Variants in AP4E1 observed in about 807,000 individuals in gnomAD.
AP4E1 encodes adaptor related protein complex 4 subunit epsilon 1, also known as AP-4 complex subunit epsilon-1.
Under a neutral mutation model 128.2 loss-of-function variants are expected in AP4E1, and 56 were observed. The observed-to-expected ratio is 0.44, with a 90% CI of 0.35 to 0.55. The LOEUF is 0.55. Among genes scored for constraint, AP4E1 ranks in the 20% least tolerant of loss-of-function variants. The pLI is 0.00. For synonymous variants in AP4E1, 484 were observed against 473.1 expected (o/e 1.02, Z -0.30); for missense variants, 1,324 against 1,307.7 (o/e 1.01, Z -0.19).
At chr15:50,911,614 G>A (rs1466718194) in intron 1 of AP4E1, among the ~76,000 whole-genome samples, 1 of 151,010 alleles carries the variant, frequency 6.6e-6, no homozygotes, top group African/African-American at 2.4e-5. Flanking sequence ...TCAGCCTCTC[G>A]AGTATCTGGG....
intron 14 of AP4E1, among the ~76,000 whole-genome samples, chr15:50,966,079 G>A (rs1276378396): frequency 1.3e-5 from 2 of 151,984 alleles, no homozygotes; most frequent in African/African-American, 4.8e-5. Context: ...CACCACGCCT[G>A]GCTAATTTTT....
chr15:50,948,050 G>A lies in AP4E1; in HGVS notation c.1207G>A (p.Ala403Thr). The A allele has an allele frequency of 6.2e-7, 1 of 1,608,400 alleles. No homozygotes were observed. The highest frequency in any genetic ancestry group is 8.5e-7 in the Non-Finnish European group (1 of 1,175,252). The change falls in exon 11 of 21, where the codon GCA becomes ACA. Residue 403 changes from alanine (A) to threonine (T), a missense_variant. Coordinates refer to ENST00000261842, the MANE Select transcript of AP4E1 (RefSeq NM_007347.5). ...TLELLYRITN[A>T]QNITVIVQKM... ...GGAACTTCTTTACAGAATTACTAAT[G>A]CACAGAATATAACAGTTATTGTCCA...
intron 5 of AP4E1, among the ~76,000 whole-genome samples, 194 bp downstream of exon 5, chr15:50,925,413 T>C (rs2063756351): frequency 6.6e-6 from 1 of 152,186 alleles, no homozygotes; most frequent in South Asian, 2.1e-4. Context: ...TTTCTAAAGT[T>C]AGACTAAGAG....
chr15:50,925,303 T>G (rs1379683949), intron 5 of AP4E1, 84 bp downstream of exon 5: 1 of 1,395,688 alleles, frequency 7.2e-7, no homozygotes, highest in African/African-American at 1.4e-5. Context: ...ACAACTTCAG[T>G]GCTACCAGGA....
chr15:50,925,825 G>C (rs1257145703), intron 5 of AP4E1, among the ~76,000 whole-genome samples: 2 of 150,360 alleles, frequency 1.3e-5, no homozygotes, highest in Admixed American at 1.3e-4. Flanking sequence ...ATAGAAACTG[G>C]GTTTGGCCAG....
chr15:50,920,046 C>A (rs144195478), intron 3 of AP4E1, among the ~76,000 whole-genome samples: 1 of 141,602 alleles, frequency 7.1e-6, no homozygotes, highest in African/African-American at 2.7e-5. Flanking sequence ...CACTGCACTC[C>A]AGCCTAGGCA....
rs1596463084 is a variant in AP4E1 at position 50,927,512 on chromosome 15, C to G, written c.543-1497C>G. Among the ~76,000 whole-genome samples, 4 of 124,232 alleles carry G rather than the reference C, an allele frequency of 3.2e-5. No individual in the cohort carries two copies. In the South Asian group the frequency reaches 1.0e-3, roughly 32 times the overall value. The allele number at this position is 124,232 out of a possible 152,430, so 81.5% of individuals were successfully genotyped here. A position where few individuals can be genotyped will look rare whatever the true frequency, so the allele number is the denominator to read the frequency against. On this transcript the variant is annotated intron_variant, in intron 5 of 20. Transcript: ENST00000261842. ...AGGCCTGTGAACTCCTGGGCCTATT[C>G]AGAGTTTTTTTTTTTTTTTTCCTCA... is the stretch of plus-strand genomic sequence containing the variant.
chr15:50,927,338 A>G (rs928129363), intron 5 of AP4E1, among the ~76,000 whole-genome samples: 45 of 152,248 alleles, frequency 3.0e-4, no homozygotes, highest in African/African-American at 1.0e-3. Context: ...AATATGAGGC[A>G]GAGCTATAGG....
chr15:50,934,431 T>A lies in AP4E1; in HGVS notation c.870-193T>A. ...ATCTCATTGGTTAACTAGTCAACTT[T>A]GATAAAGTAGGAAGTTCAAGCTCAT... On this transcript the variant is annotated intron_variant, in intron 7 of 20. Coordinates refer to ENST00000261842, the MANE Select transcript of AP4E1 (RefSeq NM_007347.5). The A allele has an allele frequency of 4.0e-6, 2 of 495,072 alleles. 1 individual carries two copies. The highest frequency in any genetic ancestry group is 5.1e-5 in the South Asian group (2 of 38,882). The allele number at this position is 495,072 out of a possible 1,614,324, so 30.7% of individuals were successfully genotyped here. A position where few individuals can be genotyped will look rare whatever the true frequency, so the allele number is the denominator to read the frequency against.
In AP4E1 at chr15:50,949,905, A is replaced by T. The variant is rs751064747; in HGVS notation, c.1396A>T (p.Ile466Phe). ...AGGAGGAGATGTAATGCATCCTGAT[A>T]TTCCCAATAACTTTCTGAGACTACT... ...SVGGDVMHPD[I>F]PNNFLRLLAE... is the part of the protein sequence containing the mutation. Residue 466 changes from isoleucine to phenylalanine, a missense_variant, in exon 12 of 21, where the codon ATT becomes TTT. Ile to Phe is a conservative substitution (Grantham distance 21, BLOSUM62 0). Transcript: ENST00000261842. 5.8e-5 allele frequency: 93 copies of T among 1,613,732 alleles called. No individual in the cohort carries two copies. In the East Asian group the frequency reaches 2.1e-3, roughly 36 times the overall value.
At chr15:50,918,851 T>C (rs2063659819) in intron 3 of AP4E1, among the ~76,000 whole-genome samples, 1 of 152,236 alleles carries the variant, frequency 6.6e-6, no homozygotes, top group Non-Finnish European at 1.5e-5. Flanking sequence ...TGGGTGGATG[T>C]ACCATAGTTT....
chr15:50,912,460 C>T (rs1163041573), intron 2 of AP4E1, among the ~76,000 whole-genome samples: 2 of 152,184 alleles, frequency 1.3e-5, no homozygotes, highest in Non-Finnish European at 2.9e-5. Context: ...GGGATTTCAA[C>T]ATGATATTTT....
At position 50,968,363 on chromosome 15, in the gene AP4E1, T is replaced by A; in HGVS notation, c.1952T>A (p.Leu651His). The A allele has an allele frequency of 6.2e-7, 1 of 1,612,708 alleles. No homozygotes were observed. Among genetic ancestry groups the A allele is most frequent in the Non-Finnish European group, 8.5e-7 (1 of 1,179,156 alleles). Residue 651 changes from leucine to histidine, a missense_variant, in exon 15 of 21, where the codon CTT (leucine) becomes CAT (histidine). Leu to His is a moderately conservative substitution (Grantham distance 99). Coordinates refer to ENST00000261842, the MANE Select transcript of AP4E1 (RefSeq NM_007347.5). ...CCCCATCAACGCCAGGAGGAAAAGC[T>A]TTCTCAGGAAAAAGGTAATTTTTCA... Reference protein sequence around the residue: ...KPPHQRQEEKLSQEKVLNFEP... With the variant: ...KPPHQRQEEKHSQEKVLNFEP...
intron 16 of AP4E1, among the ~76,000 whole-genome samples, chr15:50,985,996 G>A (rs1340826821): frequency 6.6e-6 from 1 of 152,140 alleles, no homozygotes; most frequent in African/African-American, 2.4e-5. Context: ...TTGAGCAGTG[G>A]TTTGTAGTTC....
At chr15:50,994,634 A>G (rs2140930070) in intron 17 of AP4E1, among the ~76,000 whole-genome samples, 1 of 152,280 alleles carries the variant, frequency 6.6e-6, no homozygotes, top group South Asian at 2.1e-4. Flanking sequence ...AAAGTGACTG[A>G]TCTTGGGTTT....
intron 14 of AP4E1, among the ~76,000 whole-genome samples, chr15:50,962,693 G>C (rs1596487502): frequency 6.6e-6 from 1 of 151,796 alleles, no homozygotes; most frequent in East Asian, 1.9e-4. Flanking sequence ...ATTGGTCGAG[G>C]CAAAGATTTA....
intron 3 of AP4E1, among the ~76,000 whole-genome samples, chr15:50,922,278 G>A (rs755774130): frequency 1.3e-5 from 2 of 152,096 alleles, no homozygotes; most frequent in Admixed American, 6.6e-5. Context: ...GCTGCAGTGA[G>A]TTTTGATCGT....
intron 15 of AP4E1, among the ~76,000 whole-genome samples, chr15:50,975,403 C>T (rs1257275553): frequency 6.6e-6 from 1 of 152,196 alleles, no homozygotes; most frequent in Non-Finnish European, 1.5e-5. Flanking sequence ...AAAACTTCAT[C>T]TCTTTCTATG....
intron 14 of AP4E1, among the ~76,000 whole-genome samples, chr15:50,968,051 C>T (rs778815933): frequency 2.0e-5 from 3 of 152,188 alleles, no homozygotes; most frequent in Admixed American, 2.0e-4. Flanking sequence ...AACTCCTGGC[C>T]TCAAGTGATC....
Sources: gnomAD v4.1 joint callset for allele counts (sites outside exome capture counted in the v4.1 genomes callset) on GRCh38, gnomAD v4.1.1 for gene constraint, MANE v1.5 for transcripts, NCBI Gene and HGNC (gene_info 2026-07-23, HGNC 2026-07-21) for gene names.